Variants in PCGF5 observed in about 807,000 individuals in gnomAD.
PCGF5 encodes the protein polycomb group ring finger 5.
A neutral mutation model predicts 44.3 loss-of-function variants in PCGF5; 9 were observed. The ratio of observed to expected loss-of-function variants is 0.20; its 90% confidence interval spans 0.12 to 0.35. PCGF5 has a LOEUF of 0.35. PCGF5 is among the 10% of genes least tolerant of loss of function. The pLI is 1.00. For synonymous variants in PCGF5, 95 were observed against 102.5 expected, an observed-to-expected ratio of 0.93 and a Z score of 0.44; for missense variants, 146 against 305.3, an observed-to-expected ratio of 0.48 and a Z score of 3.89.
Position 91,280,808 on chromosome 10 carries a change from C to G in PCGF5, c.*2492C>G, listed in dbSNP as rs1478005210. On this transcript the variant is annotated 3_prime_UTR_variant, in exon 10 of 10. Transcript: ENST00000336126. ...AGAAACTAGGTATAGAAAAAATGTA[C>G]AGGCAACTTTTGTGGTTAGCTTTAT... 1 of 152,168 alleles carries G rather than the reference C, an allele frequency of 6.6e-6. No individual in the cohort carries two copies. The highest frequency in any genetic ancestry group is 1.5e-5 in the Non-Finnish European group (1 of 67,894). 9.4% of individuals were successfully genotyped at this position (152,168 alleles called of 1,614,324 possible). A position where few individuals can be genotyped will look rare whatever the true frequency, so the allele number is the denominator to read the frequency against.
At chr10:91,182,156 ATTGTGT>A (rs1377507528) in intron 1 of PCGF5, among the ~76,000 whole-genome samples, 2 of 148,506 alleles carry the variant, frequency 1.3e-5, no homozygotes, top group Non-Finnish European at 3.0e-5. Flanking sequence ...ATCATTTCTG[ATTGTGT>A]TTGTTTGACC....
At chr10:91,233,584 A>G (rs899062117) in intron 2 of PCGF5, among the ~76,000 whole-genome samples, 5 of 152,216 alleles carry the variant, frequency 3.3e-5, no homozygotes, top group Admixed American at 3.3e-4. Context: ...TAATTAGTTC[A>G]TTATACAAAT....
At chr10:91,183,752 C>G (rs1056832963) in intron 1 of PCGF5, among the ~76,000 whole-genome samples, 1 of 152,102 alleles carries the variant, frequency 6.6e-6, no homozygotes, top group East Asian at 1.9e-4. Flanking sequence ...TCTTGTAAGG[C>G]AGGTCTGGTG....
upstream of PCGF5, among the ~76,000 whole-genome samples, chr10:91,219,650 A>T (rs770620741): frequency 1.4e-4 from 21 of 152,352 alleles, no homozygotes; most frequent in Admixed American, 8.5e-4. Context: ...TCTTTAAAGG[A>T]CTATACGAAT....
At chr10:91,217,497 A>C (rs1207855081), upstream of PCGF5, among the ~76,000 whole-genome samples, 1 of 152,266 alleles carries the variant, frequency 6.6e-6, no homozygotes, top group Admixed American at 6.5e-5. Context: ...GCCCAGCCAT[A>C]AATGAAATAA....
chr10:91,177,955 A>G (rs1396741334), intron 1 of PCGF5, among the ~76,000 whole-genome samples: 1 of 152,060 alleles, frequency 6.6e-6, no homozygotes, highest in Non-Finnish European at 1.5e-5. Flanking sequence ...AGTGAGATGA[A>G]CCCGGTACCT....
At chr10:91,256,292 C>A (rs1845751963) in intron 6 of PCGF5, among the ~76,000 whole-genome samples, 2 of 151,880 alleles carry the variant, frequency 1.3e-5, no homozygotes, top group Non-Finnish European at 2.9e-5. Flanking sequence ...AAAAGTATAG[C>A]AACAGAAATG....
chr10:91,234,246 G>A (rs139692445), intron 2 of PCGF5, among the ~76,000 whole-genome samples: 1 of 152,218 alleles, frequency 6.6e-6, no homozygotes, highest in Admixed American at 6.5e-5. Flanking sequence ...GAATTGGGAA[G>A]CGGCAAAACA....
At chr10:91,277,676 G>A (rs1228147688) in intron 9 of PCGF5, among the ~76,000 whole-genome samples, 1 of 152,170 alleles carries the variant, frequency 6.6e-6, no homozygotes, top group Non-Finnish European at 1.5e-5. Flanking sequence ...TTGAAAGGAG[G>A]TAGTGACCTA....
chr10:91,164,435 G>T (rs1489186973), intron 1 of PCGF5, among the ~76,000 whole-genome samples: 1 of 152,210 alleles, frequency 6.6e-6, no homozygotes, highest in Middle Eastern at 3.2e-3. Flanking sequence ...TTCGCTGCAG[G>T]GCTGGGTCCT....
intron 2 of PCGF5, among the ~76,000 whole-genome samples, chr10:91,233,818 T>C (rs1252567853): frequency 6.6e-6 from 1 of 152,112 alleles, no homozygotes; most frequent in Non-Finnish European, 1.5e-5. Context: ...TGTGAACTGC[T>C]TAAGGAAGGA....
chr10:91,235,724 C>T (rs748657784), intron 2 of PCGF5, among the ~76,000 whole-genome samples: 4 of 152,128 alleles, frequency 2.6e-5, no homozygotes, highest in Admixed American at 6.6e-5. Flanking sequence ...ATAAGTCTCA[C>T]GAGATCTGGT....
At chr10:91,228,802 A>G (rs1257160407) in intron 2 of PCGF5, among the ~76,000 whole-genome samples, 1 of 152,206 alleles carries the variant, frequency 6.6e-6, no homozygotes, top group Middle Eastern at 3.2e-3. Context: ...TGCATCCACC[A>G]TCAGCAACAT....
chr10:91,221,110 G>A (rs1043144776), intron 1 of PCGF5, among the ~76,000 whole-genome samples: 1 of 151,788 alleles, frequency 6.6e-6, no homozygotes, highest in Non-Finnish European at 1.5e-5. Context: ...CTGGGCCCGC[G>A]CACCTGCCGG....
intron 1 of PCGF5, among the ~76,000 whole-genome samples, chr10:91,208,590 AT>A (rs2133247555): frequency 6.6e-6 from 1 of 152,300 alleles, no homozygotes; most frequent in Admixed American, 6.5e-5. Flanking sequence ...CTGTATTAGT[AT>A]GAAAAATTCA....
chr10:91,211,983 C>T (rs1326678650), intron 1 of PCGF5, among the ~76,000 whole-genome samples: 6 of 152,238 alleles, frequency 3.9e-5, no homozygotes, highest in African/African-American at 9.6e-5. Flanking sequence ...TTGTCAGGAG[C>T]GGTGTGATAC....
chr10:91,188,411 A>G (rs1392903502), intron 1 of PCGF5, among the ~76,000 whole-genome samples: 4 of 152,362 alleles, frequency 2.6e-5, no homozygotes, highest in African/African-American at 7.2e-5. Flanking sequence ...TATTATTACA[A>G]TGAAGACCCT....
chr10:91,264,867 C>G (rs1054088978), intron 8 of PCGF5, among the ~76,000 whole-genome samples: 1 of 152,006 alleles, frequency 6.6e-6, no homozygotes, highest in Non-Finnish European at 1.5e-5. Context: ...TAAGTTCTCC[C>G]CTAATATGAT....
chr10:91,188,219 G>A (rs1324648408), intron 1 of PCGF5, among the ~76,000 whole-genome samples: 1 of 152,200 alleles, frequency 6.6e-6, no homozygotes. Context: ...GACAGTGGGT[G>A]CAGCGCACCA....
Sources: gnomAD v4.1 joint callset for allele counts (sites outside exome capture counted in the v4.1 genomes callset) on GRCh38, gnomAD v4.1.1 for gene constraint, MANE v1.5 for transcripts, NCBI Gene and HGNC (gene_info 2026-07-23, HGNC 2026-07-21) for gene names.